The following TBCEL variants were observed in gnomAD, a reference collection of about 807,000 sequenced individuals.
TBCEL encodes the protein tubulin-specific chaperone cofactor E-like protein.
TBCEL carries 15 observed loss-of-function variants against 44.2 expected under a neutral mutation model. That is an observed-to-expected ratio of 0.34 (90% CI 0.23 to 0.52). The LOEUF (loss-of-function observed/expected upper bound fraction) is 0.52. Among genes scored for constraint, TBCEL ranks in the 20% least tolerant of loss-of-function variants. The pLI is 0.95. For synonymous variants in TBCEL, 171 were observed against 185.4 expected, an observed-to-expected ratio of 0.92 and a Z score of 0.63; for missense variants, 319 against 506.3, an observed-to-expected ratio of 0.63 and a Z score of 3.55.
At chr11:121,055,597 CA>C (rs1313330290) in intron 6 of TBCEL, among the ~76,000 whole-genome samples, 2 of 151,738 alleles carry the variant, frequency 1.3e-5, no homozygotes, top group African/African-American at 4.8e-5. Context: ...TTAAAAGACA[CA>C]GTAAAAATAG....
intron 8 of TBCEL, among the ~76,000 whole-genome samples, chr11:121,068,078 C>T (rs1436241843): frequency 6.6e-6 from 1 of 152,194 alleles, no homozygotes; most frequent in Non-Finnish European, 1.5e-5. Context: ...CCGAGGCTTT[C>T]AGTGCTTTCT....
intron 8 of TBCEL, among the ~76,000 whole-genome samples, chr11:121,080,297 A>G (rs1946102746): frequency 6.6e-6 from 1 of 152,204 alleles, no homozygotes; most frequent in Non-Finnish European, 1.5e-5. Context: ...GTGTGTCTGC[A>G]TTTCAGGAAT....
intron 8 of TBCEL, among the ~76,000 whole-genome samples, chr11:121,086,011 T>C (rs1946209853): frequency 6.6e-6 from 1 of 152,178 alleles, no homozygotes; most frequent in Non-Finnish European, 1.5e-5. Flanking sequence ...CCCTTTCTGG[T>C]ACGTAGGAAA....
chr11:121,073,851 TATG>T (rs1276686980), intron 8 of TBCEL, among the ~76,000 whole-genome samples: 1 of 152,022 alleles, frequency 6.6e-6, no homozygotes, highest in Non-Finnish European at 1.5e-5. Flanking sequence ...TAAATTTTAA[TATG>T]ATACATTTTC....
chr11:121,086,029 G>A (rs928025244), intron 8 of TBCEL, among the ~76,000 whole-genome samples: 1 of 152,076 alleles, frequency 6.6e-6, no homozygotes. Flanking sequence ...AAACTTGTAA[G>A]TGTCCTTGAT....
intron 2 of TBCEL, among the ~76,000 whole-genome samples, chr11:121,042,486 C>A (rs1195654618): frequency 6.6e-6 from 1 of 152,128 alleles, no homozygotes; most frequent in Non-Finnish European, 1.5e-5. Flanking sequence ...GAATAGAGGG[C>A]AGCCACTATA....
intron 8 of TBCEL, among the ~76,000 whole-genome samples, chr11:121,063,764 C>G (rs1227769725): frequency 6.6e-6 from 1 of 152,138 alleles, no homozygotes; most frequent in African/African-American, 2.4e-5. Flanking sequence ...CTGCACATAA[C>G]TTTGTTGGAC....
intron 4 of TBCEL, among the ~76,000 whole-genome samples, chr11:121,050,440 A>C (rs1290391891): frequency 1.3e-5 from 2 of 151,760 alleles, no homozygotes; most frequent in Admixed American, 1.3e-4. Context: ...CCAGAGACTA[A>C]GATAAATATG....
chr11:121,064,739 C>T lies in TBCEL; in HGVS notation c.956+4654C>T, dbSNP rs191917961. On this transcript the variant is annotated intron_variant, in intron 8 of 8. Coordinates refer to ENST00000683345, the MANE Select transcript of TBCEL (RefSeq NM_001363644.2). ...TTGGAGTAGGAAATGTCTTCTGGGTCCTTTTAGGATTTGTAACGGAGAACA... is the reference window on the plus strand; with the variant it reads ...TTGGAGTAGGAAATGTCTTCTGGGTTCTTTTAGGATTTGTAACGGAGAACA... Among the ~76,000 whole-genome samples, 776 of 152,246 alleles carry T rather than the reference C, an allele frequency of 5.1e-3. 5 individuals carry two copies. The highest frequency in any genetic ancestry group is 9.4e-3 in the Non-Finnish European group (638 of 68,010).
intron 8 of TBCEL, among the ~76,000 whole-genome samples, chr11:121,066,531 G>A (rs1945824255): frequency 6.6e-6 from 1 of 152,196 alleles, no homozygotes; most frequent in Non-Finnish European, 1.5e-5. Context: ...CTTAGTAGTT[G>A]TTGATACAAG....
intron 8 of TBCEL, among the ~76,000 whole-genome samples, chr11:121,074,572 CT>C (rs775546227): frequency 7.9e-5 from 12 of 151,628 alleles, no homozygotes; most frequent in Non-Finnish European, 1.2e-4. Flanking sequence ...TAGTAGTGTC[CT>C]TTGTTTAAAG....
At chr11:121,027,048 C>T (rs1409783656) in intron 1 of TBCEL, among the ~76,000 whole-genome samples, 1 of 151,948 alleles carries the variant, frequency 6.6e-6, no homozygotes, top group African/African-American at 2.4e-5. Flanking sequence ...TTATATAATA[C>T]TTTTTTTTCC....
At chr11:121,054,569 A>G (rs529858465) in intron 5 of TBCEL, among the ~76,000 whole-genome samples, 11 of 151,958 alleles carry the variant, frequency 7.2e-5, no homozygotes, top group African/African-American at 2.7e-4. Flanking sequence ...TCTATAATAC[A>G]CCTGGCATAG....
chr11:121,058,660 A>G (rs567561306), intron 7 of TBCEL, among the ~76,000 whole-genome samples, 189 bp downstream of exon 7: 74 of 151,924 alleles, frequency 4.9e-4, no homozygotes, highest in Non-Finnish European at 9.3e-4. Context: ...TGAGGAAAAC[A>G]TGAGATGTAA....
In TBCEL at chr11:121,086,849, G is replaced by C. The variant is rs775429231; in HGVS notation, c.1028G>C (p.Ser343Thr). 6.2e-7 allele frequency: 1 copy of C among 1,614,036 alleles called. No individual in the cohort carries two copies. Among genetic ancestry groups the C allele is most frequent in the Non-Finnish European group, 8.5e-7 (1 of 1,179,980 alleles). Residue 343 changes from serine (S) to threonine (T), a missense_variant, in exon 9 of 9, where the codon AGT (serine) becomes ACT (threonine). By Grantham distance (58) the Ser-to-Thr change is moderately conservative. Coordinates refer to ENST00000683345, the MANE Select transcript of TBCEL (RefSeq NM_001363644.2). ...GAAGTGGACCTAAGACCCCAGAGCA[G>C]TGCAAAAGTAGAAGTCCACTTTAAC... ...LAEVDLRPQS[S>T]AKVEVHFNDQ...
At position 121,086,858 on chromosome 11, in the gene TBCEL, T is replaced by G; in HGVS notation, c.1037T>G (p.Val346Gly). ...CTAAGACCCCAGAGCAGTGCAAAAG[T>G]AGAAGTCCACTTTAACGATCAGGTG... ...VDLRPQSSAKVEVHFNDQVEE... is the reference protein window; with the variant it reads ...VDLRPQSSAKGEVHFNDQVEE... The change falls in exon 9 of 9, where the codon GTA becomes GGA. Residue 346 changes from valine (V) to glycine (G), a missense_variant. Transcript: ENST00000683345. 6.2e-7 allele frequency: 1 copy of G among 1,613,932 alleles called. No homozygotes were observed. Among genetic ancestry groups the G allele is most frequent in the Non-Finnish European group, 8.5e-7 (1 of 1,179,948 alleles).
chr11:121,040,237 T>G (rs1945307700), intron 2 of TBCEL, among the ~76,000 whole-genome samples: 1 of 152,168 alleles, frequency 6.6e-6, no homozygotes, highest in African/African-American at 2.4e-5. Context: ...GCATCACACC[T>G]CCTTAGCTTA....
chr11:121,028,526 C>G (rs1945085569), intron 1 of TBCEL, among the ~76,000 whole-genome samples: 2 of 152,342 alleles, frequency 1.3e-5, no homozygotes, highest in African/African-American at 4.8e-5. Context: ...GGCCCGTAAC[C>G]TCTCTGCTTC....
Position 121,055,267 on chromosome 11 carries a change from G to A in TBCEL, c.671G>A (p.Arg224Lys). 1 of 1,611,386 alleles carries A rather than the reference G, an allele frequency of 6.2e-7. No homozygotes were observed. Among genetic ancestry groups the A allele is most frequent in the Non-Finnish European group, 8.5e-7 (1 of 1,178,582 alleles). ...GAGGAGCCTGATGATTCATTGGCCA[G>A]GTTGTTTCCTAATCTTCGATCCATC... ...AIEEPDDSLARLFPNLRSISL... is the reference protein window; with the variant it reads ...AIEEPDDSLAKLFPNLRSISL... Residue 224 changes from arginine to lysine, a missense_variant, in exon 6 of 9, where the codon AGG (arginine) becomes AAG (lysine). Arg to Lys is a conservative substitution (Grantham distance 26, BLOSUM62 2). Transcript: ENST00000683345.
Sources: gnomAD v4.1 joint callset for allele counts (sites outside exome capture counted in the v4.1 genomes callset) on GRCh38, gnomAD v4.1.1 for gene constraint, MANE v1.5 for transcripts, NCBI Gene and HGNC (gene_info 2026-07-23, HGNC 2026-07-21) for gene names.